Variants in LYPD6 observed in about 807,000 individuals in gnomAD.
LYPD6 encodes ly6/PLAUR domain-containing protein 6.
In LYPD6, 15 loss-of-function variants were observed where a neutral mutation model predicts 22.7. The observed-to-expected ratio is 0.66, with a 90% CI of 0.44 to 1.02. The LOEUF is 1.02. LYPD6 is among the 50% of genes least tolerant of loss of function. The pLI, the probability that LYPD6 is intolerant of heterozygous loss-of-function variation, is 0.00. For missense variants in LYPD6, 189 were observed against 208.4 expected (o/e 0.91, Z 0.57); for synonymous variants, 72 against 77.5 (o/e 0.93, Z 0.37).
intron 1 of LYPD6, among the ~76,000 whole-genome samples, chr2:149,410,629 G>A (rs1341308026): frequency 2.6e-5 from 4 of 152,134 alleles, no homozygotes; most frequent in South Asian, 2.1e-4. Context: ...AAAAAAGAGT[G>A]CAGATTGTCT....
At chr2:149,419,861 T>G (rs1434529174) in intron 1 of LYPD6, among the ~76,000 whole-genome samples, 2 of 152,166 alleles carry the variant, frequency 1.3e-5, no homozygotes, top group African/African-American at 4.8e-5. Flanking sequence ...TCTGTGTTTC[T>G]TTCTGCTCAT....
chr2:149,483,896 T>C, the LYPD6 span, among the ~76,000 whole-genome samples: 79 of 152,332 alleles, frequency 5.2e-4, no homozygotes, highest in Admixed American at 1.2e-3. Context: ...GTGTATATCA[T>C]AGTGACAAGA....
At position 149,361,567 on chromosome 2, in the gene LYPD6, C is replaced by G. The variant is rs148630864; in HGVS notation, c.-72+30845C>G. 2.7e-3 allele frequency among the ~76,000 whole-genome samples: 416 copies of G among 152,292 alleles called. 4 individuals are homozygous for G. The highest frequency in any genetic ancestry group is 9.1e-3 in the African/African-American group (380 of 41,548). ...AGATAAACAGATGGATCCTCTGTTA[C>G]CCACAGAGCACTTTGTTTCTTCTCT... On this transcript the variant is annotated intron_variant, in intron 1 of 4. Transcript: ENST00000334166.
rs551203758 is a variant in LYPD6 at position 149,350,794 on chromosome 2, G to A, written c.-72+20072G>A. Among the ~76,000 whole-genome samples, 11 of 152,302 alleles carry A rather than the reference G, an allele frequency of 7.2e-5. No individual in the cohort carries two copies. The East Asian group carries it at 2.1e-3, about 29-fold the overall frequency. ...TTGTTTTTATTCTGTAAATAAAATA[G>A]TGACTGCCCAGCCAAAGCTAACAAT... On this transcript the variant is annotated intron_variant, in intron 1 of 4. Transcript: ENST00000334166.
chr2:149,383,867 A>G (rs1682123336), intron 1 of LYPD6, among the ~76,000 whole-genome samples: 1 of 152,208 alleles, frequency 6.6e-6, no homozygotes. Flanking sequence ...TATAAAACAC[A>G]TATTTGCCCC....
chr2:149,417,659 G>A (rs774523552), intron 1 of LYPD6, among the ~76,000 whole-genome samples: 1 of 152,112 alleles, frequency 6.6e-6, no homozygotes, highest in African/African-American at 2.4e-5. Context: ...AGAGTAAAGA[G>A]TTCCCAAGGA....
In LYPD6 at chr2:149,442,678, G is replaced by A. The variant is rs1683595051; in HGVS notation, c.118+4852G>A. Among the ~76,000 whole-genome samples the A allele has an allele frequency of 2.6e-5, 4 of 151,572 alleles. No individual in the cohort carries two copies. The South Asian group carries it at 8.3e-4, about 32-fold the overall frequency. Reference sequence around the variant, plus strand: ...AAAAAAAACCTCTTTATCAGATGCAGTATCAATTAGCAAGTTACTGGAGAT... The same window carrying A: ...AAAAAAAACCTCTTTATCAGATGCAATATCAATTAGCAAGTTACTGGAGAT... On this transcript the variant is annotated intron_variant, in intron 2 of 4. Coordinates refer to ENST00000334166, the MANE Select transcript of LYPD6 (RefSeq NM_194317.5).
intron 1 of LYPD6, among the ~76,000 whole-genome samples, chr2:149,372,670 A>G (rs1681837496): frequency 6.6e-6 from 1 of 152,222 alleles, no homozygotes; most frequent in Non-Finnish European, 1.5e-5. Context: ...TCTATGAGCC[A>G]ATGTATATAA....
intron 3 of LYPD6, among the ~76,000 whole-genome samples, chr2:149,461,296 A>G (rs979861691): frequency 6.6e-5 from 10 of 151,992 alleles, no homozygotes; most frequent in African/African-American, 2.4e-4. Flanking sequence ...AAGTTTGACA[A>G]GTTAGATGAA....
intron 3 of LYPD6, among the ~76,000 whole-genome samples, chr2:149,454,483 C>T (rs79224089): frequency 0.052 from 7,845 of 152,188 alleles, 657 homozygotes; most frequent in African/African-American, 0.18. Context: ...TATGAATATA[C>T]CAAAATTCAT....
At chr2:149,396,169 A>G (rs1015364028) in intron 1 of LYPD6, among the ~76,000 whole-genome samples, 4 of 152,170 alleles carry the variant, frequency 2.6e-5, no homozygotes, top group Admixed American at 2.0e-4. Context: ...GAATAATTTA[A>G]ATAACATTTC....
intron 1 of LYPD6, among the ~76,000 whole-genome samples, chr2:149,331,089 C>G (rs1348243414): frequency 6.6e-6 from 1 of 152,168 alleles, no homozygotes; most frequent in African/African-American, 2.4e-5. Context: ...CCAGGAACTC[C>G]AGCCGGAGGG....
chr2:149,378,206 T>C (rs995412095), intron 1 of LYPD6, among the ~76,000 whole-genome samples: 1 of 152,088 alleles, frequency 6.6e-6, no homozygotes, highest in Non-Finnish European at 1.5e-5. Context: ...AGCCTCAACC[T>C]TCCCTGGCTT....
intron 1 of LYPD6, among the ~76,000 whole-genome samples, chr2:149,408,839 G>T (rs1310559841): frequency 6.6e-6 from 1 of 152,158 alleles, no homozygotes; most frequent in Non-Finnish European, 1.5e-5. Flanking sequence ...ATGAATTTAA[G>T]TGGGACTTTG....
At chr2:149,423,888 C>G (rs1683135316) in intron 1 of LYPD6, among the ~76,000 whole-genome samples, 1 of 152,112 alleles carries the variant, frequency 6.6e-6, no homozygotes, top group African/African-American at 2.4e-5. Flanking sequence ...TATGTGTATT[C>G]TGACTCTTAA....
intron 1 of LYPD6, among the ~76,000 whole-genome samples, chr2:149,429,837 C>T (rs763679663): frequency 7.9e-5 from 12 of 152,156 alleles, no homozygotes; most frequent in Non-Finnish European, 1.2e-4. Context: ...TCAGTAGCTC[C>T]TTGTGGACTA....
chr2:149,421,185 C>G (rs1179318542), intron 1 of LYPD6, among the ~76,000 whole-genome samples: 1 of 152,016 alleles, frequency 6.6e-6, no homozygotes, highest in African/African-American at 2.4e-5. Flanking sequence ...CACTTGAAGT[C>G]AGGAGTTTGA....
intron 1 of LYPD6, chr2:149,368,171 A>G (rs1681722764): frequency 6.6e-6 from 1 of 152,236 alleles, no homozygotes; most frequent in Non-Finnish European, 1.5e-5. Context: ...TGAGTATTAG[A>G]CATCACTCAA....
At chr2:149,366,323 G>A (rs937563603) in intron 1 of LYPD6, among the ~76,000 whole-genome samples, 13 of 152,082 alleles carry the variant, frequency 8.5e-5, no homozygotes, top group African/African-American at 2.9e-4. Flanking sequence ...AATAAATGCC[G>A]GCGTGTTCAC....
Sources: allele counts gnomAD v4.1 joint callset (sites outside exome capture counted in the v4.1 genomes callset), GRCh38; gene constraint gnomAD v4.1.1; transcripts MANE v1.5; gene names NCBI Gene and HGNC (gene_info 2026-07-23, HGNC 2026-07-21).